DNAJA1: variants seen among roughly 807,000 people sequenced by gnomAD.
The protein encoded by DNAJA1 is dnaJ homolog subfamily A member 1.
A neutral mutation model predicts 47.6 loss-of-function variants in DNAJA1; 26 were observed. That is an observed-to-expected ratio of 0.55 (90% CI 0.40 to 0.76). The LOEUF (loss-of-function observed/expected upper bound fraction) is 0.76, where lower values mean the gene tolerates loss of function less well. DNAJA1 is among the 30% of genes least tolerant of loss of function. DNAJA1 has a pLI of 0.00. For missense variants in DNAJA1, 315 were observed against 485.0 expected (o/e 0.65, Z 3.29); for synonymous variants, 165 against 158.4 (o/e 1.04, Z -0.31).
Position 33,038,833 on chromosome 9 carries a change from A to C in DNAJA1, c.1124A>C (p.His375Pro), listed in dbSNP as rs1839074370. The part of the protein sequence containing the change: ...DFDPNQERRR[H>P]YNGEAYEDDE... Reference sequence around the variant, plus strand: ...GATCCAAATCAGGAAAGACGGCGCCACTACAATGGAGAAGCATATGAGGAT... The same window carrying C: ...GATCCAAATCAGGAAAGACGGCGCCCCTACAATGGAGAAGCATATGAGGAT... The change falls in exon 9 of 9, where the codon CAC becomes CCC. Residue 375 changes from histidine to proline, a missense_variant. This residue lies in a region of DNAJA1 where 162 missense variants were observed against 185.4 expected (regional missense o/e 0.87). Transcript: ENST00000330899. The C allele has an allele frequency of 2.5e-6, 4 of 1,614,122 alleles. No individual in the cohort carries two copies. Among genetic ancestry groups the C allele is most frequent in the Non-Finnish European group, 3.4e-6 (4 of 1,180,032 alleles).
At chr9:33,027,031 C>T (rs145059122) in intron 3 of DNAJA1, 41 bp downstream of exon 3, 24 of 1,611,490 alleles carry the variant, frequency 1.5e-5, no homozygotes, top group Middle Eastern at 1.7e-4. Flanking sequence ...CTAAAGTTAG[C>T]TGTTGGTCAG....
chr9:33,025,693 CG>C (rs1343690481), intron 1 of DNAJA1, among the ~76,000 whole-genome samples: 1 of 116,080 alleles, frequency 8.6e-6, no homozygotes, highest in Non-Finnish European at 1.9e-5. Context: ...CGTGCTCGCT[CG>C]GGGTGGGGGG....
At chr9:33,034,172 G>A in intron 5 of DNAJA1, 44 bp from the exon 6 acceptor site, 2 of 1,342,440 alleles carry the variant, frequency 1.5e-6, no homozygotes, top group East Asian at 2.3e-5. Context: ...TCTGACCTTA[G>A]TTGGATATTT....
chr9:33,026,407 C>T (rs1288151557), intron 1 of DNAJA1, 68 bp from the exon 2 acceptor site: 3 of 1,548,468 alleles, frequency 1.9e-6, no homozygotes, highest in Admixed American at 4.4e-5. Context: ...GATTGCTCGG[C>T]CTTAGCTCTC....
intron 5 of DNAJA1, among the ~76,000 whole-genome samples, chr9:33,031,244 C>T (rs1248107769): frequency 6.6e-6 from 1 of 152,046 alleles, no homozygotes; most frequent in South Asian, 2.1e-4. Flanking sequence ...TTACAGGCAC[C>T]CAGCACCATG....
intron 6 of DNAJA1, among the ~76,000 whole-genome samples, chr9:33,035,174 G>A (rs1839015368): frequency 6.6e-6 from 1 of 151,896 alleles, no homozygotes; most frequent in Non-Finnish European, 1.5e-5. Context: ...GAGGTGGATG[G>A]TCAGGAGTTC....
intron 3 of DNAJA1, among the ~76,000 whole-genome samples, chr9:33,027,794 G>T (rs1445985717): frequency 6.6e-6 from 1 of 151,942 alleles, no homozygotes; most frequent in East Asian, 1.9e-4. Context: ...AGGTTGCAGC[G>T]AACGGAGGTC....
At chr9:33,035,882 A>G (rs771441806) in intron 6 of DNAJA1, among the ~76,000 whole-genome samples, 3 of 152,200 alleles carry the variant, frequency 2.0e-5, no homozygotes, top group Non-Finnish European at 4.4e-5. Context: ...ATGCCAGGAA[A>G]TATTATTTCA....
intron 5 of DNAJA1, among the ~76,000 whole-genome samples, chr9:33,032,635 C>T (rs913111703): frequency 2.0e-5 from 3 of 152,246 alleles, no homozygotes; most frequent in Non-Finnish European, 4.4e-5. Flanking sequence ...TGTGCCTACT[C>T]TTACTCTGTA....
chr9:33,034,234 AGAT>A lies in DNAJA1; in HGVS notation c.663_665del (p.Ile222del). On this transcript the variant is annotated inframe_deletion, in exon 6 of 9. Coordinates refer to ENST00000330899, the MANE Select transcript of DNAJA1 (RefSeq NM_001539.4). ...TTTTTAGGCATGAAAGATGGCCAGA[AGAT>A]AACATTCCATGGTGAAGGAGACCAA... 6.3e-7 allele frequency: 1 copy of A among 1,595,310 alleles called. No individual in the cohort carries two copies. Among genetic ancestry groups the A allele is most frequent in the Non-Finnish European group, 8.5e-7 (1 of 1,175,448 alleles).
At chr9:33,033,824 T>TA (rs1384879659) in intron 5 of DNAJA1, among the ~76,000 whole-genome samples, 1 of 152,262 alleles carries the variant, frequency 6.6e-6, no homozygotes, top group Non-Finnish European at 1.5e-5. Flanking sequence ...CTGAAATACT[T>TA]AATTAACATT....
intron 5 of DNAJA1, among the ~76,000 whole-genome samples, chr9:33,031,349 G>C (rs961631778): frequency 6.6e-6 from 1 of 152,016 alleles, no homozygotes; most frequent in Non-Finnish European, 1.5e-5. Flanking sequence ...GACCTGCCTC[G>C]GCCTCCCAAA....
chr9:33,025,674 C>T (rs1838806025), intron 1 of DNAJA1, among the ~76,000 whole-genome samples: 1 of 150,076 alleles, frequency 6.7e-6, no homozygotes, highest in South Asian at 2.1e-4. Flanking sequence ...CGCGGCCCCC[C>T]TCCCCGTCCG....
chr9:33,034,375 G>T, intron 6 of DNAJA1, 45 bp downstream of exon 6: 1 of 1,501,582 alleles, frequency 6.7e-7, no homozygotes, highest in African/African-American at 1.4e-5. Context: ...ACATATTTGG[G>T]TTGTTGGTTT....
At position 33,025,334 on chromosome 9, in the gene DNAJA1, A is replaced by C. The variant is rs1053765615; in HGVS notation, c.-60A>C. 4.6e-5 allele frequency: 7 copies of C among 152,532 alleles called. No individual in the cohort carries two copies. In the East Asian group the frequency reaches 9.7e-4, roughly 21 times the overall value. The allele number at this position is 152,532 out of a possible 1,614,324, so 9.4% of individuals were successfully genotyped here. ...AGCGGTAACTACCCCGGCTGCGCAC[A>C]GCTCGGCGCTCCTTCCCGCTCCCTC... On this transcript the variant is annotated 5_prime_UTR_variant, in exon 1 of 9. Transcript: ENST00000330899.
chr9:33,032,925 A>G (rs562209869), intron 5 of DNAJA1, among the ~76,000 whole-genome samples: 2 of 152,258 alleles, frequency 1.3e-5, no homozygotes, highest in Admixed American at 1.3e-4. Flanking sequence ...ATATGTAGGA[A>G]TTCATTGTAC....
chr9:33,033,183 C>T (rs76198225), intron 5 of DNAJA1, among the ~76,000 whole-genome samples: 1 of 146,880 alleles, frequency 6.8e-6, no homozygotes, highest in Non-Finnish European at 1.5e-5. Context: ...AAAAAAAAGG[C>T]GTGTTTTTTT....
chr9:33,027,508 A>C lies in DNAJA1; in HGVS notation c.310+518A>C, dbSNP rs149691941. Among the ~76,000 whole-genome samples, 311 of 152,198 alleles carry C rather than the reference A, an allele frequency of 2.0e-3. 2 individuals are homozygous for C. The highest frequency in any genetic ancestry group is 7.3e-3 in the African/African-American group (302 of 41,538). On this transcript the variant is annotated intron_variant, in intron 3 of 8. Transcript: ENST00000330899. ...GATTTAAGGGGCCTAAAAAATAGCC[A>C]ACAGAGTGGTAGCAAATGACTGCTT...
rs753113180 is a variant in DNAJA1 at position 33,034,179 on chromosome 9, A to G, written c.644-37A>G. 7 of 1,413,082 alleles carry G rather than the reference A, an allele frequency of 5.0e-6. No homozygotes were observed. The South Asian group carries it at 9.0e-5, about 18-fold the overall frequency. The allele number at this position is 1,413,082 out of a possible 1,614,324, so 87.5% of individuals were successfully genotyped here. On this transcript the variant is annotated intron_variant, in intron 5 of 8. Coordinates refer to ENST00000330899, the MANE Select transcript of DNAJA1 (RefSeq NM_001539.4). ...TTTATGATTCTGACCTTAGTTGGAT[A>G]TTTAATAAAAGTACAAAATTAATGT...
Sources: allele counts gnomAD v4.1 joint callset (sites outside exome capture counted in the v4.1 genomes callset), GRCh38; gene constraint gnomAD v4.1.1; regional missense constraint gnomAD v4.1.1; transcripts MANE v1.5; gene names NCBI Gene and HGNC (gene_info 2026-07-23, HGNC 2026-07-21).